Variants in PDCD7 observed in about 807,000 individuals in gnomAD.
PDCD7 encodes programmed cell death protein 7.
A neutral mutation model predicts 42.1 loss-of-function variants in PDCD7; 40 were observed. The ratio of observed to expected loss-of-function variants is 0.95; its 90% CI spans 0.74 to 1.24. The LOEUF is 1.24. PDCD7 is among the 50% of genes most tolerant of loss of function. The pLI is 0.00. For missense variants in PDCD7, 644 were observed against 662.8 expected, an observed-to-expected ratio of 0.97 and a Z score of 0.31; for synonymous variants, 299 against 303.3, an observed-to-expected ratio of 0.99 and a Z score of 0.15.
intron 2 of PDCD7, among the ~76,000 whole-genome samples, chr15:65,121,024 T>C (rs1388430842): frequency 6.6e-6 from 1 of 151,528 alleles, no homozygotes; most frequent in Non-Finnish European, 1.5e-5. Context: ...CTCTGGATCA[T>C]CCACACCACT....
chr15:65,129,754 C>A (rs2140585522), intron 1 of PDCD7, among the ~76,000 whole-genome samples: 1 of 152,136 alleles, frequency 6.6e-6, no homozygotes, highest in East Asian at 1.9e-4. Context: ...GACTCTGTCA[C>A]CAATATCCTC....
At position 65,129,048 on chromosome 15, in the gene PDCD7, C is replaced by A; in HGVS notation, c.993G>T (p.Glu331Asp). The stretch of plus-strand genomic sequence containing the variant: ...CACAGTTACCTTTCCTCGCTGCAGC[C>A]TCTTTCCTCAGTTTCCTCAATTTCT... ...ALEKLRKLRK[E>D]AAARKGVCPP... Residue 331 changes from glutamate (E) to aspartate (D), a missense_variant, in exon 2 of 5, where the codon GAG (glutamate) becomes GAT (aspartate). Glu to Asp is a conservative substitution (Grantham distance 45). Transcript: ENST00000204549. 1 of 1,614,120 alleles carries A rather than the reference C, an allele frequency of 6.2e-7. No individual in the cohort carries two copies. Among genetic ancestry groups the A allele is most frequent in the Non-Finnish European group, 8.5e-7 (1 of 1,179,988 alleles).
Position 65,119,447 on chromosome 15 carries a change from A to T in PDCD7, c.1263T>A (p.Ala421=). 6.2e-7 allele frequency: 1 copy of T among 1,613,192 alleles called. No homozygotes were observed. The highest frequency in any genetic ancestry group is 8.5e-7 in the Non-Finnish European group (1 of 1,179,178). The change falls in exon 4 of 5, where the codon GCT becomes GCA. Residue 421 remains alanine, a synonymous_variant. Transcript: ENST00000204549. ...ACTGTCGGAAAGGCTCCAAGAGGTG[A>T]GCAAGTGGGAACTCATCTGAAAGAG... is the stretch of plus-strand genomic sequence containing the variant. ...LFGDPDEFPL[A]HLLEPFRQYY...
intron 2 of PDCD7, 31 bp from the exon 3 acceptor site, chr15:65,119,985 T>G (rs1566971334): frequency 1.3e-6 from 2 of 1,585,308 alleles, no homozygotes; most frequent in Admixed American, 3.8e-5. Context: ...GGCATTTTAT[T>G]TATTTTTTTT....
intron 2 of PDCD7, among the ~76,000 whole-genome samples, chr15:65,126,681 G>A (rs1332433197): frequency 6.6e-6 from 1 of 151,448 alleles, no homozygotes; most frequent in African/African-American, 2.4e-5. Context: ...TCCTGCCTGG[G>A]AGTATAAGGC....
chr15:65,121,050 TTTC>T (rs1055328155), intron 2 of PDCD7, among the ~76,000 whole-genome samples: 3 of 150,588 alleles, frequency 2.0e-5, no homozygotes, highest in African/African-American at 7.4e-5. Context: ...TCTGACTTTC[TTTC>T]TTTTTTTTTT....
chr15:65,129,168 C>A lies in PDCD7; in HGVS notation c.873G>T (p.Glu291Asp). 6.2e-7 allele frequency: 1 copy of A among 1,613,672 alleles called. No individual in the cohort carries two copies. Among genetic ancestry groups the A allele is most frequent in the Non-Finnish European group, 8.5e-7 (1 of 1,179,826 alleles). ...CVQEVEEKKR[E>D]QELKAAADGV... ...CATCAGCGGCTGCTTTGAGTTCCTG[C>A]TCCTGGAAGAGAAACAAAGCCCATG... Residue 291 changes from glutamate to aspartate, a missense_variant and splice_region_variant, in exon 2 of 5, where the codon GAG (glutamate) becomes GAT (aspartate). Coordinates refer to ENST00000204549, the MANE Select transcript of PDCD7 (RefSeq NM_005707.2).
intron 1 of PDCD7, 58 bp from the exon 2 acceptor site, chr15:65,129,228 A>T (rs2087520480): frequency 1.3e-6 from 2 of 1,571,416 alleles, no homozygotes; most frequent in Non-Finnish European, 8.7e-7. Context: ...ACAGCAGAGA[A>T]TAGCTGCCCA....
intron 2 of PDCD7, among the ~76,000 whole-genome samples, chr15:65,126,792 C>T (rs2087499925): frequency 6.6e-6 from 1 of 151,058 alleles, no homozygotes; most frequent in Non-Finnish European, 1.5e-5. Flanking sequence ...GCTATCTTCA[C>T]TTATTCAGTA....
At chr15:65,130,977 A>T (rs2087535424) in intron 1 of PDCD7, among the ~76,000 whole-genome samples, 4 of 152,166 alleles carry the variant, frequency 2.6e-5, no homozygotes, top group Non-Finnish European at 5.9e-5. Context: ...CGCTATACTG[A>T]CATGATCTCC....
chr15:65,125,852 T>C (rs2087491502), intron 2 of PDCD7, among the ~76,000 whole-genome samples: 1 of 152,216 alleles, frequency 6.6e-6, no homozygotes, highest in African/African-American at 2.4e-5. Flanking sequence ...GAGGTTTAAT[T>C]GACTCACAGT....
intron 2 of PDCD7, 104 bp from the exon 3 acceptor site, chr15:65,120,058 G>A: frequency 4.0e-6 from 5 of 1,242,312 alleles, no homozygotes; most frequent in Non-Finnish European, 5.5e-6. Flanking sequence ...ATAGCTCACT[G>A]CAACTTCAAA....
rs1566973657 is a variant in PDCD7 at position 65,132,928 on chromosome 15, AC to A, written c.853del (p.Val285TrpfsTer21). 1.2e-6 allele frequency: 2 copies of A among 1,604,002 alleles called. No individual in the cohort carries two copies. The highest frequency in any genetic ancestry group is 3.3e-5 in the Admixed American group (2 of 59,930). Reference protein sequence around the residue: ...DRWRVKCVQEVEEKKREQELK... With the variant: ...DRWRVKCVQEXEEKKREQELK... The stretch of plus-strand genomic sequence containing the variant: ...TGCTCTCACCCGCTTCTTCTCCTCC[AC>A]CTCCTGCACACACTTCACCCTCCAG... On this transcript the variant is annotated frameshift_variant, in exon 1 of 5. Transcript: ENST00000204549. LOFTEE classifies it high-confidence loss of function.
In PDCD7 at chr15:65,122,104, G is replaced by A. The variant is rs1566971681; in HGVS notation, c.1010-2150C>T. Among the ~76,000 whole-genome samples the A allele has an allele frequency of 3.3e-5, 5 of 152,286 alleles. No homozygotes were observed. The South Asian group carries it at 1.0e-3, about 32-fold the overall frequency. ...AAACCTAGCACTTTGGGAGACTGAG[G>A]CAGGCAGGTTGCCTGAGCTCAGGAG... On this transcript the variant is annotated intron_variant, in intron 2 of 4. Transcript: ENST00000204549.
chr15:65,130,154 CTTTT>C (rs886281618), intron 1 of PDCD7, among the ~76,000 whole-genome samples: 2 of 103,662 alleles, frequency 1.9e-5, no homozygotes, highest in Non-Finnish European at 3.9e-5. Flanking sequence ...CCCCAACCCT[CTTTT>C]TTTTTTTTTT....
chr15:65,133,619 AG>A lies in PDCD7; in HGVS notation c.162del (p.Phe55SerfsTer137). ...RPGPFPGASAPFLQPPLALQP... is the reference protein window; with the variant it reads ...RPGPFPGASAXFLQPPLALQP... ...TGCAGAGCCAGCGGAGGCTGAAGGA[AG>A]GGGGCGGAGGCCCCCGGAAAAGGGC... On this transcript the variant is annotated frameshift_variant, in exon 1 of 5. Coordinates refer to ENST00000204549, the MANE Select transcript of PDCD7 (RefSeq NM_005707.2). LOFTEE classifies it high-confidence loss of function. The A allele has an allele frequency of 1.4e-5, 18 of 1,244,120 alleles. No individual in the cohort carries two copies. The highest frequency in any genetic ancestry group is 1.7e-5 in the Non-Finnish European group (17 of 992,162). 77.1% of individuals were successfully genotyped at this position (1,244,120 alleles called of 1,614,324 possible).
At chr15:65,131,689 T>A (rs1464733655) in intron 1 of PDCD7, among the ~76,000 whole-genome samples, 1 of 152,028 alleles carries the variant, frequency 6.6e-6, no homozygotes, top group Non-Finnish European at 1.5e-5. Flanking sequence ...GTGGAGGTTG[T>A]GGTGAACCAA....
intron 2 of PDCD7, among the ~76,000 whole-genome samples, chr15:65,122,491 T>C (rs1353224519): frequency 6.6e-6 from 1 of 152,226 alleles, no homozygotes; most frequent in African/African-American, 2.4e-5. Flanking sequence ...CAACGTTACA[T>C]GTATGTAATT....
chr15:65,121,708 T>C (rs1188102325), intron 2 of PDCD7, among the ~76,000 whole-genome samples: 1 of 152,178 alleles, frequency 6.6e-6, no homozygotes, highest in Non-Finnish European at 1.5e-5. Context: ...AGCCAACATA[T>C]CTAAAGCCAC....
Sources: gnomAD v4.1 joint callset for allele counts (sites outside exome capture counted in the v4.1 genomes callset) on GRCh38, gnomAD v4.1.1 for gene constraint, MANE v1.5 for transcripts, NCBI Gene and HGNC (gene_info 2026-07-23, HGNC 2026-07-21) for gene names.